MAD1L1: variants seen among roughly 807,000 people sequenced by gnomAD.
The protein encoded by MAD1L1 is mitotic spindle assembly checkpoint protein MAD1.
MAD1L1 carries 95 observed loss-of-function variants against 96.9 expected under a neutral mutation model. That is an observed-to-expected ratio of 0.98 (90% confidence interval 0.83 to 1.16). The LOEUF is 1.16. Ranked by LOEUF, MAD1L1 falls within the 50% of genes most tolerant of loss-of-function variation. The pLI is 0.00. For missense variants in MAD1L1, 1,007 were observed against 954.4 expected (o/e 1.06, Z -0.73); for synonymous variants, 473 against 396.6 (o/e 1.19, Z -2.29).
intron 17 of MAD1L1, among the ~76,000 whole-genome samples, chr7:1,916,776 G>A (rs1788428449): frequency 1.3e-5 from 2 of 152,206 alleles, no homozygotes; most frequent in East Asian, 1.9e-4. Flanking sequence ...CCGATCCCAC[G>A]GTGGGGGCCA....
At chr7:1,916,059 A>G (rs1003758868) in intron 17 of MAD1L1, among the ~76,000 whole-genome samples, 5 of 152,216 alleles carry the variant, frequency 3.3e-5, no homozygotes, top group African/African-American at 1.2e-4. Context: ...GTCGGTGCCC[A>G]TCATCCTCAC....
chr7:1,897,213 A>C (rs1176202815), intron 18 of MAD1L1, among the ~76,000 whole-genome samples: 1 of 86,638 alleles, frequency 1.2e-5, no homozygotes, highest in Non-Finnish European at 2.2e-5. Context: ...ACGCTGACGG[A>C]CATGCGTAGG....
rs992084867 is a variant in MAD1L1, at chr7:2,088,270, C to G, written c.1074-18932G>C. Among the ~76,000 whole-genome samples, 1 of 152,222 alleles carries G rather than the reference C, an allele frequency of 6.6e-6. No individual in the cohort carries two copies. Among genetic ancestry groups the G allele is most frequent in the Non-Finnish European group, 1.5e-5 (1 of 68,046 alleles). ...TGAAACCTGCCGACGGGCCTGTTGC[C>G]GCTGGAACACAATCCAGGCCCCCAT... On this transcript the variant is annotated intron_variant, in intron 11 of 18. Coordinates refer to ENST00000265854, the MANE Select transcript of MAD1L1 (RefSeq NM_001013836.2). This position sits in a 1 kb window ranked among gnomAD's most constrained non-coding sequence, Gnocchi z 4.4.
At chr7:2,145,307 A>G (rs1789242450) in intron 11 of MAD1L1, among the ~76,000 whole-genome samples, 2 of 152,282 alleles carry the variant, frequency 1.3e-5, no homozygotes, top group South Asian at 4.1e-4. Context: ...GCTAACAAGC[A>G]GGCTCCTCGC....
intron 11 of MAD1L1, among the ~76,000 whole-genome samples, chr7:2,090,856 T>C (rs1441306942): frequency 6.6e-6 from 1 of 152,182 alleles, no homozygotes; most frequent in African/African-American, 2.4e-5. Context: ...CTCCACTCTT[T>C]GGAAGGAGGT....
chr7:2,213,173 AAAG>A, intron 10 of MAD1L1, 36 bp downstream of exon 10: 2 of 1,610,864 alleles, frequency 1.2e-6, no homozygotes, highest in Non-Finnish European at 1.7e-6. Flanking sequence ...AGGACCCTTC[AAAG>A]AAGGCGGGAC....
chr7:2,052,865 G>A (rs574737712), intron 12 of MAD1L1, among the ~76,000 whole-genome samples: 128 of 152,198 alleles, frequency 8.4e-4, no homozygotes, highest in Admixed American at 2.1e-3. Flanking sequence ...GGAGGGAGGC[G>A]CTGGACCTCC....
At chr7:2,195,846 C>G (rs1791958125) in intron 10 of MAD1L1, among the ~76,000 whole-genome samples, 1 of 152,272 alleles carries the variant, frequency 6.6e-6, no homozygotes, top group Admixed American at 6.5e-5. Context: ...CTGGTAGGTC[C>G]TTCTTGCCAA....
At chr7:2,158,374 G>A (rs1262955987) in intron 10 of MAD1L1, among the ~76,000 whole-genome samples, 1 of 152,180 alleles carries the variant, frequency 6.6e-6, no homozygotes, top group East Asian at 1.9e-4. Context: ...GGTGGAAAAT[G>A]AATGAAACAG....
chr7:2,035,262 C>T (rs1331218786), intron 12 of MAD1L1, among the ~76,000 whole-genome samples: 2 of 139,786 alleles, frequency 1.4e-5, no homozygotes, highest in African/African-American at 6.1e-5. Context: ...AGCGCGGGAG[C>T]GCTGACAAGT....
At chr7:1,979,219 G>A (rs1339878089) in intron 15 of MAD1L1, among the ~76,000 whole-genome samples, 2 of 152,182 alleles carry the variant, frequency 1.3e-5, no homozygotes, top group African/African-American at 2.4e-5. Flanking sequence ...CCTAGGAAGG[G>A]TGCTCTCTCC....
chr7:1,868,466 C>T (rs929962422), intron 18 of MAD1L1, among the ~76,000 whole-genome samples: 2 of 144,640 alleles, frequency 1.4e-5, no homozygotes, highest in Non-Finnish European at 3.1e-5. Context: ...TCCTCCCCAG[C>T]GAGGCCTCCC....
chr7:1,853,504 G>A (rs1784087027), intron 18 of MAD1L1, among the ~76,000 whole-genome samples: 1 of 152,188 alleles, frequency 6.6e-6, no homozygotes, highest in Non-Finnish European at 1.5e-5. Flanking sequence ...CTTAGCACCA[G>A]TGTCCTCCTG....
Position 2,146,933 on chromosome 7 carries a change from C to G in MAD1L1, c.1073+2219G>C, listed in dbSNP as rs1474622224. Among the ~76,000 whole-genome samples the G allele has an allele frequency of 1.3e-5, 2 of 152,188 alleles. No homozygotes were observed. The highest frequency in any genetic ancestry group is 4.8e-5 in the African/African-American group (2 of 41,442). On this transcript the variant is annotated intron_variant, in intron 11 of 18. Coordinates refer to ENST00000265854, the MANE Select transcript of MAD1L1 (RefSeq NM_001013836.2). This position sits in a 1 kb window ranked among gnomAD's most constrained non-coding sequence, Gnocchi z 6.2. ...CAGAACGCAAGCACCAAGGCCACGA[C>G]GGGACTCATCCACACCTCATTGGCC...
At chr7:2,150,982 C>T (rs1789543499) in intron 10 of MAD1L1, among the ~76,000 whole-genome samples, 4 of 152,222 alleles carry the variant, frequency 2.6e-5, no homozygotes, top group Admixed American at 2.6e-4. Context: ...GTGGAAAAAC[C>T]ATTTATGACT....
chr7:2,216,692 G>A (rs1472018393), intron 7 of MAD1L1, among the ~76,000 whole-genome samples: 2 of 152,130 alleles, frequency 1.3e-5, no homozygotes. Context: ...GTGTGTGTAG[G>A]AGCGGGCGCA....
intron 11 of MAD1L1, chr7:2,109,472 T>C (rs1471941869): frequency 6.6e-6 from 1 of 152,172 alleles, no homozygotes; most frequent in Admixed American, 6.5e-5. Context: ...TCACTTCCTA[T>C]GTTTGTAAAC....
chr7:2,172,650 T>C (rs376813744), intron 10 of MAD1L1, among the ~76,000 whole-genome samples: 1 of 152,238 alleles, frequency 6.6e-6, no homozygotes, highest in African/African-American at 2.4e-5. Flanking sequence ...AAGCCGTCAG[T>C]AGTCCTCGTG....
At chr7:2,010,069 GGTT>G (rs1217106683) in intron 13 of MAD1L1, among the ~76,000 whole-genome samples, 1 of 114,850 alleles carries the variant, frequency 8.7e-6, no homozygotes, top group Non-Finnish European at 1.7e-5. Flanking sequence ...ATTTTTAACA[GGTT>G]TTTTTTTTTT....
Sources: gnomAD v4.1 joint callset for allele counts (sites outside exome capture counted in the v4.1 genomes callset) on GRCh38, gnomAD v4.1.1 for gene constraint, Gnocchi (gnomAD v3.1) non-coding constraint, MANE v1.5 for transcripts, NCBI Gene and HGNC (gene_info 2026-07-23, HGNC 2026-07-21) for gene names.